The following CFAP44 variants were observed in gnomAD, a reference collection of about 807,000 sequenced individuals.
The protein encoded by CFAP44 is cilia and flagella associated protein 44.
CFAP44 carries 134 observed loss-of-function variants against 216.2 expected under a neutral mutation model. That is an observed-to-expected ratio of 0.62 (90% CI 0.54 to 0.72). CFAP44 has a LOEUF of 0.72. CFAP44 is among the 30% of genes least tolerant of loss of function. The pLI is 0.00. For missense variants in CFAP44, 2,035 were observed against 2,182.1 expected, an observed-to-expected ratio of 0.93 and a Z score of 1.34; for synonymous variants, 700 against 727.6, an observed-to-expected ratio of 0.96 and a Z score of 0.61.
chr3:113,306,816 C>G (rs1949989916), intron 29 of CFAP44, among the ~76,000 whole-genome samples: 1 of 152,134 alleles, frequency 6.6e-6, no homozygotes, highest in South Asian at 2.1e-4. Context: ...TTAGATCTAG[C>G]CCTAGTGCTA....
chr3:113,363,576 G>T, intron 19 of CFAP44, 44 bp from the exon 20 acceptor site: 1 of 1,483,674 alleles, frequency 6.7e-7, no homozygotes, highest in Admixed American at 2.1e-5. Context: ...AAATTGCATA[G>T]CATTTTCCTT....
At chr3:113,430,429 G>GAAAAAAAAAAAAAAAAAAAAAAA (rs754983161) in intron 2 of CFAP44, among the ~76,000 whole-genome samples, 2 of 74,204 alleles carry the variant, frequency 2.7e-5, no homozygotes, top group Non-Finnish European at 5.9e-5. Context: ...AAAAATAAAT[G>GAAAAAAAAAAAAAAAAAAAAAAA]AAAAAAAAAA....
chr3:113,393,716 A>G (rs1373151201), intron 15 of CFAP44, among the ~76,000 whole-genome samples: 3 of 152,130 alleles, frequency 2.0e-5, no homozygotes, highest in Non-Finnish European at 4.4e-5. Context: ...GGGTTTCACT[A>G]TGTTGCCCAA....
intron 13 of CFAP44, chr3:113,397,028 G>A (rs1934010482): frequency 2.8e-6 from 1 of 360,366 alleles, no homozygotes; most frequent in Non-Finnish European, 5.1e-6. Context: ...TCAGTGCTTG[G>A]TTTCACAGAG....
At chr3:113,362,348 C>T (rs1468148979) in intron 21 of CFAP44, among the ~76,000 whole-genome samples, 1 of 152,076 alleles carries the variant, frequency 6.6e-6, no homozygotes, top group African/African-American at 2.4e-5. Context: ...GGCTCCACTC[C>T]CTTTCTGCTG....
chr3:113,389,332 T>C (rs1396980256), intron 15 of CFAP44, among the ~76,000 whole-genome samples: 1 of 152,016 alleles, frequency 6.6e-6, no homozygotes, highest in Admixed American at 6.5e-5. Flanking sequence ...CAAATGACAG[T>C]AGAAACACAA....
chr3:113,311,090 A>G (rs1021999442), intron 28 of CFAP44, among the ~76,000 whole-genome samples: 2 of 152,242 alleles, frequency 1.3e-5, no homozygotes, highest in African/African-American at 4.8e-5. Flanking sequence ...CAACACTAAG[A>G]TGACAGAGAT....
At chr3:113,325,817 T>C (rs1576548969) in intron 28 of CFAP44, among the ~76,000 whole-genome samples, 1 of 152,316 alleles carries the variant, frequency 6.6e-6, no homozygotes, top group Middle Eastern at 3.4e-3. Flanking sequence ...GGGCTCAATA[T>C]GTAGCTACAA....
chr3:113,317,923 G>T (rs1950104013), intron 28 of CFAP44, among the ~76,000 whole-genome samples: 1 of 152,246 alleles, frequency 6.6e-6, no homozygotes. Flanking sequence ...AGGCCCAGGA[G>T]TGGACCTGGT....
intron 18 of CFAP44, among the ~76,000 whole-genome samples, chr3:113,368,037 A>AG (rs1213080291): frequency 2.0e-5 from 3 of 152,252 alleles, no homozygotes; most frequent in Non-Finnish European, 2.9e-5. Context: ...ACAAGATTAG[A>AG]GAAAAAAGAG....
chr3:113,391,009 A>C (rs1933824307), intron 15 of CFAP44, among the ~76,000 whole-genome samples: 1 of 152,176 alleles, frequency 6.6e-6, no homozygotes, highest in African/African-American at 2.4e-5. Flanking sequence ...ATTTATACAG[A>C]ATCACAAAAG....
intron 6 of CFAP44, 85 bp downstream of exon 6, chr3:113,416,440 C>T (rs553390350): frequency 1.8e-6 from 2 of 1,084,472 alleles, no homozygotes; most frequent in Admixed American, 2.3e-5. Context: ...CTCTGGAGAA[C>T]CTTGACTTAT....
intron 28 of CFAP44, among the ~76,000 whole-genome samples, chr3:113,325,363 G>T (rs1950180364): frequency 6.6e-6 from 1 of 151,576 alleles, no homozygotes; most frequent in Non-Finnish European, 1.5e-5. Context: ...ACATGAACAT[G>T]AATTATATAC....
At chr3:113,397,427 CT>C (rs1198922800) in intron 13 of CFAP44, 2 of 152,354 alleles carry the variant, frequency 1.3e-5, no homozygotes, top group African/African-American at 4.8e-5. Context: ...TAAGAAAAGC[CT>C]TCATCCCAGA....
intron 8 of CFAP44, among the ~76,000 whole-genome samples, chr3:113,404,729 C>A (rs1430950675): frequency 6.6e-6 from 1 of 152,148 alleles, no homozygotes; most frequent in Admixed American, 6.5e-5. Context: ...CTTTTTCTGA[C>A]CCCCGCAAAG....
At chr3:113,368,791 C>T (rs1251297502) in intron 18 of CFAP44, among the ~76,000 whole-genome samples, 1 of 152,130 alleles carries the variant, frequency 6.6e-6, no homozygotes, top group African/African-American at 2.4e-5. Flanking sequence ...AAGATACAAA[C>T]TGGCAAATTG....
chr3:113,353,565 G>A (rs529347226), intron 22 of CFAP44, among the ~76,000 whole-genome samples: 1 of 152,116 alleles, frequency 6.6e-6, no homozygotes. Flanking sequence ...AGTTCTTCCT[G>A]AGAGGAACTT....
chr3:113,294,558 A>G (rs1162838283), intron 34 of CFAP44, 129 bp downstream of exon 34: 8 of 1,225,266 alleles, frequency 6.5e-6, no homozygotes, highest in Non-Finnish European at 8.7e-6. Flanking sequence ...TCGGGGACGC[A>G]GATGGTCTGG....
intron 23 of CFAP44, 139 bp from the exon 24 acceptor site, chr3:113,342,057 T>A: frequency 9.4e-7 from 1 of 1,065,844 alleles, no homozygotes; most frequent in South Asian, 1.9e-5. Context: ...TGAGCACTAG[T>A]TGTGGTGGCT....
Sources: allele counts gnomAD v4.1 joint callset (sites outside exome capture counted in the v4.1 genomes callset), GRCh38; gene constraint gnomAD v4.1.1; transcripts MANE v1.5; gene names NCBI Gene and HGNC (gene_info 2026-07-23, HGNC 2026-07-21).